Variants in KDSR observed in about 807,000 individuals in gnomAD.
The protein encoded by KDSR is 3-dehydrosphinganine reductase.
Under a neutral mutation model 41.3 loss-of-function variants are expected in KDSR, and 23 were observed. The observed-to-expected ratio is 0.56, with a 90% CI of 0.40 to 0.79. The LOEUF (loss-of-function observed/expected upper bound fraction) is 0.79. KDSR is among the 30% of genes least tolerant of loss of function. The pLI is 0.00. For synonymous variants in KDSR, 138 were observed against 151.7 expected (o/e 0.91, Z 0.66); for missense variants, 351 against 416.8 (o/e 0.84, Z 1.37).
At chr18:63,347,370 C>A (rs1260990919) in intron 6 of KDSR, among the ~76,000 whole-genome samples, 1 of 151,670 alleles carries the variant, frequency 6.6e-6, no homozygotes, top group Non-Finnish European at 1.5e-5. Flanking sequence ...GTGGTGGGCA[C>A]CTGTAATCCC....
At chr18:63,351,556 TAAGA>T (rs1173249903) in intron 5 of KDSR, among the ~76,000 whole-genome samples, 1 of 152,176 alleles carries the variant, frequency 6.6e-6, no homozygotes, top group Non-Finnish European at 1.5e-5. Flanking sequence ...TGATGATGAA[TAAGA>T]AAGTCAGACA....
intron 3 of KDSR, chr18:63,359,504 C>A: frequency 5.1e-6 from 2 of 393,610 alleles, no homozygotes; most frequent in South Asian, 8.9e-5. Flanking sequence ...AATTATTTGC[C>A]AGTAAAACAT....
Position 63,331,315 on chromosome 18 carries a change from AG to A in KDSR, c.*466del, listed in dbSNP as rs1222119897. ...GAGACAGAGAGACAGAGAGACAGAGAGACAGAGAGACAGAGAGAGAGAGAGA... is the reference window on the plus strand; with the variant it reads ...GAGACAGAGAGACAGAGAGACAGAGAACAGAGAGACAGAGAGAGAGAGAGA... On this transcript the variant is annotated 3_prime_UTR_variant, in exon 10 of 10. Coordinates refer to ENST00000645214, the MANE Select transcript of KDSR (RefSeq NM_002035.4). 2 of 225,740 alleles carry A rather than the reference AG, an allele frequency of 8.9e-6. No homozygotes were observed. The highest frequency in any genetic ancestry group is 1.7e-5 in the Non-Finnish European group (2 of 115,368). The allele number at this position is 225,740 out of a possible 1,614,324, so 14.0% of individuals were successfully genotyped here.
In KDSR at chr18:63,327,895, T is replaced by C; in HGVS notation, c.*3887A>G. 1 of 199,922 alleles carries C rather than the reference T, an allele frequency of 5.0e-6. No individual in the cohort carries two copies. The highest frequency in any genetic ancestry group is 7.7e-5 in the East Asian group (1 of 12,960). The allele number at this position is 199,922 out of a possible 1,614,324, so 12.4% of individuals were successfully genotyped here. A position where few individuals can be genotyped will look rare whatever the true frequency, so the allele number is the denominator to read the frequency against. On this transcript the variant is annotated 3_prime_UTR_variant, in exon 10 of 10. Coordinates refer to ENST00000645214, the MANE Select transcript of KDSR (RefSeq NM_002035.4). Reference sequence around the variant, plus strand: ...TTTATCAGTTAAAAAGTCTTTAGAGTTATCACATCAAGCAAGTGTAAAATA... The same window carrying C: ...TTTATCAGTTAAAAAGTCTTTAGAGCTATCACATCAAGCAAGTGTAAAATA...
intron 3 of KDSR, among the ~76,000 whole-genome samples, chr18:63,358,976 G>A (rs1415193091): frequency 6.6e-6 from 1 of 150,570 alleles, no homozygotes; most frequent in Non-Finnish European, 1.5e-5. Context: ...CCCAGGAGTT[G>A]AAGACCAGCC....
At chr18:63,348,378 C>T (rs1009298819) in intron 6 of KDSR, among the ~76,000 whole-genome samples, 1 of 149,704 alleles carries the variant, frequency 6.7e-6, no homozygotes. Flanking sequence ...ATTTCATTGA[C>T]AGAAAACACA....
At chr18:63,356,164 G>A (rs1244719368) in intron 3 of KDSR, among the ~76,000 whole-genome samples, 1 of 152,300 alleles carries the variant, frequency 6.6e-6, no homozygotes, top group African/African-American at 2.4e-5. Flanking sequence ...TTGGGAGGCC[G>A]AGGCAGGTAG....
chr18:63,358,545 C>G (rs1914868247), intron 3 of KDSR, among the ~76,000 whole-genome samples: 1 of 152,038 alleles, frequency 6.6e-6, no homozygotes, highest in African/African-American at 2.4e-5. Context: ...GGCATGGTGG[C>G]TCACGCCCAT....
intron 6 of KDSR, among the ~76,000 whole-genome samples, chr18:63,346,914 T>A (rs989503099): frequency 3.9e-5 from 6 of 152,122 alleles, no homozygotes; most frequent in Admixed American, 2.0e-4. Context: ...CACATCTACA[T>A]CTTCTTTTAA....
chr18:63,350,865 A>G (rs767427017), intron 6 of KDSR, 23 bp downstream of exon 6: 1 of 1,566,834 alleles, frequency 6.4e-7, no homozygotes, highest in African/African-American at 1.4e-5. Context: ...AGGAATAAAT[A>G]CAAAAATGAA....
chr18:63,342,860 A>G (rs769042217), intron 7 of KDSR, among the ~76,000 whole-genome samples: 71 of 152,164 alleles, frequency 4.7e-4, no homozygotes, highest in Non-Finnish European at 7.9e-4. Context: ...ACAATCCCCA[A>G]TGTTGGAGGA....
chr18:63,362,573 A>G (rs1352969390), intron 2 of KDSR, among the ~76,000 whole-genome samples: 1 of 152,236 alleles, frequency 6.6e-6, no homozygotes, highest in African/African-American at 2.4e-5. Flanking sequence ...TGCCAATGGT[A>G]CTAAATAAAT....
chr18:63,361,404 C>T (rs1914983051), intron 2 of KDSR, among the ~76,000 whole-genome samples: 1 of 151,820 alleles, frequency 6.6e-6, no homozygotes, highest in African/African-American at 2.4e-5. Flanking sequence ...GCCATTTCAT[C>T]AAATTTGTGT....
chr18:63,337,124 A>C (rs1338075753), intron 8 of KDSR, among the ~76,000 whole-genome samples: 2,171 of 111,650 alleles, frequency 0.019, 206 homozygotes, highest in African/African-American at 0.059. Context: ...ATATATATAT[A>C]TATATATATA....
intron 5 of KDSR, among the ~76,000 whole-genome samples, chr18:63,352,726 A>G (rs1914690488): frequency 6.6e-6 from 1 of 152,200 alleles, no homozygotes; most frequent in Non-Finnish European, 1.5e-5. Context: ...CTGTAACTGT[A>G]ATTACTTCAA....
At chr18:63,337,113 A>ACCAT (rs1555713254) in intron 8 of KDSR, among the ~76,000 whole-genome samples, 1 of 127,774 alleles carries the variant, frequency 7.8e-6, no homozygotes, top group Non-Finnish European at 1.6e-5. Flanking sequence ...TATATATGTG[A>ACCAT]ATATATATAT....
At chr18:63,349,825 T>C (rs777553382) in intron 6 of KDSR, among the ~76,000 whole-genome samples, 1 of 152,266 alleles carries the variant, frequency 6.6e-6, no homozygotes, top group African/African-American at 2.4e-5. Flanking sequence ...ACAGTGACAA[T>C]TGTTCATTTA....
At chr18:63,355,836 A>G (rs1352558537) in intron 3 of KDSR, among the ~76,000 whole-genome samples, 2 of 152,198 alleles carry the variant, frequency 1.3e-5, no homozygotes, top group African/African-American at 2.4e-5. Context: ...GGGGTTGCCC[A>G]CAGCCAGGCA....
chr18:63,331,942 C>A, intron 9 of KDSR, 41 bp from the exon 10 acceptor site: 3 of 1,601,622 alleles, frequency 1.9e-6, no homozygotes, highest in Non-Finnish European at 2.6e-6. Flanking sequence ...TCCAACGGTA[C>A]AAGACTATTT....
Sources: gnomAD v4.1 joint callset for allele counts (sites outside exome capture counted in the v4.1 genomes callset) on GRCh38, gnomAD v4.1.1 for gene constraint, MANE v1.5 for transcripts, NCBI Gene and HGNC (gene_info 2026-07-23, HGNC 2026-07-21) for gene names.